LARP1: variants seen among roughly 807,000 people sequenced by gnomAD.
LARP1 encodes La ribonucleoprotein 1, translational regulator, also known as la-related protein 1.
Under a neutral mutation model 122.7 loss-of-function variants are expected in LARP1, and 36 were observed. The observed-to-expected ratio is 0.29, with a 90% CI of 0.22 to 0.39. The LOEUF (loss-of-function observed/expected upper bound fraction) is 0.39, where lower values mean the gene tolerates loss of function less well. LARP1 is among the 10% of genes least tolerant of loss of function. The pLI is 1.00. For synonymous variants in LARP1, 539 were observed against 528.7 expected (o/e 1.02, Z -0.27); for missense variants, 1,040 against 1,403.6 (o/e 0.74, Z 4.14).
At chr5:154,791,895 A>G in intron 3 of LARP1, 1 of 452,470 alleles carries the variant, frequency 2.2e-6, no homozygotes, top group East Asian at 7.0e-5. Flanking sequence ...CATCTCATCT[A>G]ACCCTCACAG....
chr5:154,728,024 C>A (rs894407502), intron 1 of LARP1, among the ~76,000 whole-genome samples: 1 of 152,106 alleles, frequency 6.6e-6, no homozygotes, highest in Non-Finnish European at 1.5e-5. Context: ...GCTGAGATCA[C>A]GCCACTGCAC....
chr5:154,755,371 C>T (rs986786956), upstream of LARP1, among the ~76,000 whole-genome samples: 3 of 151,204 alleles, frequency 2.0e-5, 1 homozygote, highest in Middle Eastern at 0.01. Context: ...CGCCTCTCCC[C>T]CGTCCGTCCA....
Position 154,792,697 on chromosome 5 carries a change from G to C in LARP1, c.640G>C (p.Gly214Arg). ...CATGAAGGAACAGGAGAAAGGAGAA[G>C]GGAGTGATAGTAAGGAGAGTCCAAA... The part of the protein sequence containing the change: ...KDMKEQEKGE[G>R]SDSKESPKTK... Residue 214 changes from glycine (G) to arginine (R), a missense_variant, in exon 4 of 19, where the codon GGG becomes CGG. This residue lies in a region of LARP1 where 257 missense variants were observed against 273.3 expected (regional missense o/e 0.94). Coordinates refer to ENST00000518297, the MANE Select transcript of LARP1 (RefSeq NM_033551.3). 1 of 1,614,210 alleles carries C rather than the reference G, an allele frequency of 6.2e-7. No homozygotes were observed. Among genetic ancestry groups the C allele is most frequent in the South Asian group, 1.1e-5 (1 of 91,086 alleles).
At chr5:154,784,978 A>G (rs1018617004) in intron 1 of LARP1, among the ~76,000 whole-genome samples, 1 of 152,222 alleles carries the variant, frequency 6.6e-6, no homozygotes. Context: ...TTCTGAGTAA[A>G]AAGTGGAATG....
intron 1 of LARP1, among the ~76,000 whole-genome samples, chr5:154,780,991 A>G (rs2113717942): frequency 6.6e-6 from 1 of 151,950 alleles, no homozygotes; most frequent in South Asian, 2.1e-4. Context: ...TGAACTTGGG[A>G]GGTGGAGGTG....
intron 1 of LARP1, among the ~76,000 whole-genome samples, chr5:154,691,211 G>T (rs139864732): frequency 0.045 from 6,569 of 146,526 alleles, 248 homozygotes; most frequent in Admixed American, 0.11. Context: ...GCAGTGAGCC[G>T]AGATCGCGCC....
chr5:154,721,831 C>G (rs760446093), intron 1 of LARP1, among the ~76,000 whole-genome samples: 3 of 152,188 alleles, frequency 2.0e-5, no homozygotes, highest in African/African-American at 4.8e-5. Context: ...CGGCCTGGCA[C>G]TCTTTTCTCC....
chr5:154,723,947 G>A (rs12055336), intron 1 of LARP1, among the ~76,000 whole-genome samples: 1 of 152,142 alleles, frequency 6.6e-6, no homozygotes, highest in African/African-American at 2.4e-5. Context: ...GCAGGGGGCA[G>A]TAGGGTCCAG....
At chr5:154,744,361 A>G (rs1439029936) in intron 1 of LARP1, among the ~76,000 whole-genome samples, 1 of 152,142 alleles carries the variant, frequency 6.6e-6, no homozygotes, top group Non-Finnish European at 1.5e-5. Flanking sequence ...TGTCTGTACC[A>G]TATATTAATG....
chr5:154,741,782 G>C (rs1752896657), intron 1 of LARP1, among the ~76,000 whole-genome samples: 1 of 152,160 alleles, frequency 6.6e-6, no homozygotes, highest in African/African-American at 2.4e-5. Flanking sequence ...TCTTGTAATA[G>C]GCAGTTATGG....
At position 154,742,614 on chromosome 5, in the gene LARP1, C is replaced by T. The variant is rs191698025; in HGVS notation, c.205+29484C>T. Reference sequence around the variant, plus strand: ...GTGAGGTGCCTTGCACCTGTAGTTCCAGCTATTCGGGAGTCTGAGGTGAGA... The same window carrying T: ...GTGAGGTGCCTTGCACCTGTAGTTCTAGCTATTCGGGAGTCTGAGGTGAGA... On this transcript the variant is annotated intron_variant, in intron 1 of 18. Transcript: ENST00000336314. 8.0e-3 allele frequency among the ~76,000 whole-genome samples: 1,213 copies of T among 151,110 alleles called. 17 individuals are homozygous for T. The highest frequency in any genetic ancestry group is 0.026 in the African/African-American group (1,080 of 41,166).
chr5:154,683,677 A>T lies in LARP1; in HGVS notation c.-180+640A>T, dbSNP rs543131926. The stretch of plus-strand genomic sequence containing the variant: ...ATTCATATTTTACATGGGGATTAGG[A>T]AGTGAGGGTAGGGCATTTCCCAAAG... On this transcript the variant is annotated intron_variant, in intron 1 of 18. Transcript: ENST00000687700. 2.6e-5 allele frequency among the ~76,000 whole-genome samples: 4 copies of T among 152,342 alleles called. No individual in the cohort carries two copies. The East Asian group carries it at 7.7e-4, about 29-fold the overall frequency.
intron 1 of LARP1, among the ~76,000 whole-genome samples, chr5:154,788,937 C>G (rs1757106729): frequency 6.6e-6 from 1 of 152,126 alleles, no homozygotes; most frequent in African/African-American, 2.4e-5. Flanking sequence ...TTTAGCCAGG[C>G]GTAGTGGCTG....
At chr5:154,799,851 A>G (rs1339955345) in intron 9 of LARP1, 22 bp from the exon 10 acceptor site, 1 of 1,612,300 alleles carries the variant, frequency 6.2e-7, no homozygotes, top group Non-Finnish European at 8.5e-7. Flanking sequence ...AGGGATGAGG[A>G]CTTCCCCTTT....
intron 8 of LARP1, 55 bp from the exon 9 acceptor site, chr5:154,799,536 A>G: frequency 6.3e-7 from 1 of 1,587,922 alleles, no homozygotes; most frequent in Non-Finnish European, 8.6e-7. Flanking sequence ...CATTTCCAAG[A>G]TCTTTCTGTC....
In LARP1 at chr5:154,802,216, G is replaced by C. The variant is rs1449975494; in HGVS notation, c.1926G>C (p.Lys642Asn). The C allele has an allele frequency of 6.2e-7, 1 of 1,614,196 alleles. No homozygotes were observed. The highest frequency in any genetic ancestry group is 2.2e-5 in the East Asian group (1 of 44,890). Residue 642 changes from lysine to asparagine, a missense_variant, in exon 11 of 19, where the codon AAG becomes AAC. Physicochemically the swap from Lys to Asn is moderately conservative, Grantham distance 94. Transcript: ENST00000518297. The surrounding 1 kb of genome is among the most constrained non-coding windows in gnomAD (Gnocchi z 5.1). The part of the protein sequence containing the change: ...DYEIDDRDVN[K>N]ILIVTQTPHY... ...AGATTGATGACAGGGATGTCAACAA[G>C]ATCCTCATTGTCACCCAGACACCAC...
intron 1 of LARP1, among the ~76,000 whole-genome samples, chr5:154,757,572 G>T (rs561934866): frequency 2.7e-4 from 41 of 152,186 alleles, no homozygotes; most frequent in African/African-American, 9.4e-4. Context: ...GCCGTAGCTG[G>T]TTGAGGCTAA....
chr5:154,747,530 A>C (rs1215345376), intron 1 of LARP1, among the ~76,000 whole-genome samples: 1 of 151,790 alleles, frequency 6.6e-6, no homozygotes, highest in Non-Finnish European at 1.5e-5. Context: ...AACATGGCTA[A>C]ACCCCATCTC....
intron 1 of LARP1, among the ~76,000 whole-genome samples, chr5:154,788,512 C>T (rs1176033594): frequency 3.3e-5 from 5 of 152,118 alleles, no homozygotes; most frequent in African/African-American, 2.4e-5. Context: ...CCAAGCCAGC[C>T]GGGCAAATTT....
Sources: allele counts gnomAD v4.1 joint callset (sites outside exome capture counted in the v4.1 genomes callset), GRCh38; gene constraint gnomAD v4.1.1; regional missense constraint gnomAD v4.1.1; non-coding constraint Gnocchi (gnomAD v3.1); transcripts MANE v1.5; gene names NCBI Gene and HGNC (gene_info 2026-07-23, HGNC 2026-07-21).